BEGAIN: variants seen among roughly 807,000 people sequenced by gnomAD.
The protein encoded by BEGAIN is brain-enriched guanylate kinase-associated protein.
A neutral mutation model predicts 35.8 loss-of-function variants in BEGAIN; 19 were observed. The observed-to-expected ratio is 0.53, with a 90% CI of 0.37 to 0.78. The LOEUF (loss-of-function observed/expected upper bound fraction) is 0.78, where lower values mean the gene tolerates loss of function less well. BEGAIN is among the 30% of genes least tolerant of loss of function. The probability of loss-of-function intolerance (pLI) is 0.00; values close to 1 mark genes in which losing one functional copy is unlikely to be tolerated. For synonymous variants in BEGAIN, 462 were observed against 388.6 expected (o/e 1.19, Z -2.22); for missense variants, 795 against 853.6 (o/e 0.93, Z 0.85).
chr14:100,543,868 G>A lies in BEGAIN; in HGVS notation c.398C>T (p.Ser133Leu), dbSNP rs751550179. 7 of 1,613,184 alleles carry A rather than the reference G, an allele frequency of 4.3e-6. No homozygotes were observed. In the Admixed American group the frequency reaches 1.0e-4, roughly 23 times the overall value. ...GTGTGCGGCACTCACGTTGTCCTCT[G>A]ACAGCTTGTCGATGGTCACCTTGGC... The part of the protein sequence containing the change: ...LEAKVTIDKL[S>L]EDNELYRKDC... The change falls in exon 5 of 7, where the codon TCA (serine) becomes TTA (leucine). Residue 133 changes from serine to leucine, a missense_variant. Physicochemically the swap from Ser to Leu is moderately radical, Grantham distance 145. This residue lies in a region of BEGAIN where 73 missense variants were observed against 143.2 expected (regional missense o/e 0.51). Transcript: ENST00000554140.
rs745704522 is a variant in BEGAIN at position 100,538,381 on chromosome 14, C to A, written c.1427G>T (p.Gly476Val). 6.6e-7 allele frequency: 1 copy of A among 1,515,660 alleles called. No homozygotes were observed. Among genetic ancestry groups the A allele is most frequent in the East Asian group, 2.3e-5 (1 of 43,042 alleles). 93.9% of individuals were successfully genotyped at this position (1,515,660 alleles called of 1,614,324 possible). A position where few individuals can be genotyped will look rare whatever the true frequency, so the allele number is the denominator to read the frequency against. ...RYYGGAGGSP[G>V]KKADGRASPL... ...GCTGGCGCGGCCGTCGGCCTTCTTG[C>A]CCGGGCTGCCCCCGGCCCCGCCGTA... The change falls in exon 7 of 7, where the codon GGC becomes GTC. Residue 476 changes from glycine (G) to valine (V), a missense_variant. This residue lies in a region of BEGAIN where 664 missense variants were observed against 647.7 expected (regional missense o/e 1.03). Coordinates refer to ENST00000554140, the MANE Select transcript of BEGAIN (RefSeq NM_001385089.1).
intron 2 of BEGAIN, among the ~76,000 whole-genome samples, chr14:100,562,261 A>G (rs2034324300): frequency 1.3e-5 from 2 of 152,114 alleles, no homozygotes; most frequent in African/African-American, 4.8e-5. Flanking sequence ...CCCCATCCCC[A>G]GGACATCTCT....
chr14:100,545,357 G>A (rs983057546), intron 3 of BEGAIN: 2 of 1,267,196 alleles, frequency 1.6e-6, no homozygotes, highest in African/African-American at 3.0e-5. Flanking sequence ...AAGAGACTCT[G>A]TCCCATCCAC....
chr14:100,577,826 G>A (rs770229740), intron 1 of BEGAIN: 2 of 399,244 alleles, frequency 5.0e-6, no homozygotes, highest in Non-Finnish European at 8.8e-6. Context: ...ATGTGGCTTC[G>A]AAGGTCCTGT....
chr14:100,550,270 G>A (rs1053998688), intron 2 of BEGAIN: 1 of 395,510 alleles, frequency 2.5e-6, no homozygotes, highest in African/African-American at 2.1e-5. Context: ...CTGGGCTGAG[G>A]GCTGTGAGGC....
At chr14:100,574,938 T>C (rs368982641) in intron 1 of BEGAIN, among the ~76,000 whole-genome samples, 12 of 152,190 alleles carry the variant, frequency 7.9e-5, no homozygotes, top group African/African-American at 2.7e-4. Context: ...CAGATAAACA[T>C]TGGATCGAGT....
intron 2 of BEGAIN, among the ~76,000 whole-genome samples, chr14:100,562,118 CT>C (rs2034309734): frequency 6.6e-6 from 1 of 152,118 alleles, no homozygotes; most frequent in African/African-American, 2.4e-5. Context: ...AAGGATCACA[CT>C]CCGGGAGGGG....
intron 2 of BEGAIN, among the ~76,000 whole-genome samples, chr14:100,561,433 A>G (rs2034245078): frequency 6.6e-6 from 1 of 152,186 alleles, no homozygotes; most frequent in South Asian, 2.1e-4. Context: ...CAGATGTGGC[A>G]CTGAGAGTCA....
intron 1 of BEGAIN, among the ~76,000 whole-genome samples, chr14:100,570,691 T>C (rs78154681): frequency 0.22 from 33,234 of 151,940 alleles, 4,633 homozygotes; most frequent in East Asian, 0.62. Context: ...AGGGAGAAGA[T>C]AGCAGGGAAG....
chr14:100,555,832 G>A (rs1287991476), intron 2 of BEGAIN, among the ~76,000 whole-genome samples: 2 of 152,178 alleles, frequency 1.3e-5, no homozygotes, highest in African/African-American at 2.4e-5. Flanking sequence ...GGGTTTAGCC[G>A]TGCCCGCCCA....
At chr14:100,571,682 C>T (rs565445968) in intron 1 of BEGAIN, among the ~76,000 whole-genome samples, 1 of 152,244 alleles carries the variant, frequency 6.6e-6, no homozygotes, top group South Asian at 2.1e-4. Flanking sequence ...CCTGTCAGGC[C>T]TCCATGAGGG....
intron 3 of BEGAIN, chr14:100,545,924 TTTTCTG>T (rs1355549624): frequency 6.6e-6 from 1 of 152,310 alleles, no homozygotes; most frequent in Non-Finnish European, 1.5e-5. Flanking sequence ...GCTTCTTGCA[TTTTCTG>T]TTTAAGAAGA....
In BEGAIN at chr14:100,568,398, T is replaced by G. The variant is rs773572293; in HGVS notation, c.43-459A>C. The stretch of plus-strand genomic sequence containing the variant: ...ATCGCAGAACCTCCGAGTCGGAGAA[T>G]GTTGGGGAATTCGGGGCCGTGCAGG... On this transcript the variant is annotated intron_variant, in intron 1 of 6. Transcript: ENST00000554140. This position sits in a 1 kb window ranked among gnomAD's most constrained non-coding sequence, Gnocchi z 7.5. 4.9e-6 allele frequency: 6 copies of G among 1,233,166 alleles called. No homozygotes were observed. Among genetic ancestry groups the G allele is most frequent in the South Asian group, 3.9e-5 (3 of 76,866 alleles). The allele number at this position is 1,233,166 out of a possible 1,614,324, so 76.4% of individuals were successfully genotyped here.
chr14:100,538,316 C>T lies in BEGAIN; in HGVS notation c.1492G>A (p.Gly498Arg). The change falls in exon 7 of 7, where the codon GGG (glycine) becomes AGG (arginine). Residue 498 changes from glycine to arginine, a missense_variant. By Grantham distance (125) the Gly-to-Arg change is moderately radical. Transcript: ENST00000554140. ...ASYKADSFSE[G>R]DDLSQGHLAE... ...AGGTGGCCCTGGGAGAGGTCGTCCC[C>T]CTCGGAGAAGCTGTCGGCCTTGTAG... 1 of 1,523,472 alleles carries T rather than the reference C, an allele frequency of 6.6e-7. No individual in the cohort carries two copies. The allele number at this position is 1,523,472 out of a possible 1,614,324, so 94.4% of individuals were successfully genotyped here. A position where few individuals can be genotyped will look rare whatever the true frequency, so the allele number is the denominator to read the frequency against.
At position 100,553,226 on chromosome 14, in the gene BEGAIN, G is replaced by A. The variant is rs1016099790; in HGVS notation, c.72-6564C>T. ...ATGCACCAGGCATGGACCACAAGGT[G>A]CACCTGTGTCCCGTTCTCACTGGTG... On this transcript the variant is annotated intron_variant, in intron 2 of 6. Transcript: ENST00000554140. Among the ~76,000 whole-genome samples the A allele has an allele frequency of 7.9e-5, 12 of 152,104 alleles. 1 individual carries two copies. Among genetic ancestry groups the A allele is most frequent in the Non-Finnish European group, 1.6e-4 (11 of 68,000 alleles).
intron 1 of BEGAIN, among the ~76,000 whole-genome samples, chr14:100,570,537 C>G (rs1343996034): frequency 6.6e-6 from 1 of 152,232 alleles, no homozygotes; most frequent in South Asian, 2.1e-4. Flanking sequence ...TGAGTTTACC[C>G]CCACACCAGA....
At chr14:100,540,421 CT>C in intron 6 of BEGAIN, 74 bp downstream of exon 6, 1 of 1,158,482 alleles carries the variant, frequency 8.6e-7, no homozygotes, top group Non-Finnish European at 1.2e-6. Flanking sequence ...TGGGAAATGG[CT>C]TTGGGGTAGC....
At chr14:100,566,309 C>A (rs965596137) in intron 2 of BEGAIN, among the ~76,000 whole-genome samples, 2 of 152,250 alleles carry the variant, frequency 1.3e-5, no homozygotes, top group Non-Finnish European at 2.9e-5. Flanking sequence ...GGCACACCTG[C>A]CTACCTGTGC....
chr14:100,582,528 C>G (rs1196170324), intron 1 of BEGAIN, among the ~76,000 whole-genome samples: 1 of 152,208 alleles, frequency 6.6e-6, no homozygotes, highest in Admixed American at 6.5e-5. Flanking sequence ...ATCACCTGCC[C>G]CGCTGTCCCT....
Sources: gnomAD v4.1 joint callset for allele counts (sites outside exome capture counted in the v4.1 genomes callset) on GRCh38, gnomAD v4.1.1 for gene constraint, gnomAD v4.1.1 regional missense constraint, Gnocchi (gnomAD v3.1) non-coding constraint, MANE v1.5 for transcripts, NCBI Gene and HGNC (gene_info 2026-07-23, HGNC 2026-07-21) for gene names.